Variants in ZNF362 observed in about 807,000 individuals in gnomAD.
ZNF362 encodes rotund homolog.
ZNF362 carries 11 observed loss-of-function variants against 42.9 expected under a neutral mutation model. The ratio of observed to expected loss-of-function variants is 0.26; its 90% CI spans 0.16 to 0.42. The LOEUF (loss-of-function observed/expected upper bound fraction) is 0.42. Ranked by LOEUF, ZNF362 falls within the 20% of genes least tolerant of loss-of-function variation. ZNF362 has a pLI of 1.00. For missense variants in ZNF362, 362 were observed against 576.2 expected, an observed-to-expected ratio of 0.63 and a Z score of 3.81; for synonymous variants, 255 against 257.3, an observed-to-expected ratio of 0.99 and a Z score of 0.09.
the ZNF362 span, among the ~76,000 whole-genome samples, chr1:33,173,209 G>T: frequency 6.6e-6 from 1 of 152,078 alleles, no homozygotes; most frequent in African/African-American, 2.4e-5. Context: ...GTGCACTTCT[G>T]AGCCACACAA....
intron 2 of ZNF362, among the ~76,000 whole-genome samples, chr1:33,273,284 C>T (rs1645919292): frequency 6.6e-6 from 1 of 152,224 alleles, no homozygotes; most frequent in South Asian, 2.1e-4. Context: ...TTACTTAGAA[C>T]CAGCCAGAAA....
chr1:33,238,843 G>T, the ZNF362 span, among the ~76,000 whole-genome samples: 7 of 152,132 alleles, frequency 4.6e-5, no homozygotes. Context: ...GTGGAGACAC[G>T]ATGAAAAGCC....
At chr1:33,214,518 T>G in the ZNF362 span, among the ~76,000 whole-genome samples, 3 of 152,162 alleles carry the variant, frequency 2.0e-5, no homozygotes, top group African/African-American at 7.2e-5. Context: ...GCTAAAAATC[T>G]TCTGCACAGC....
At chr1:33,189,651 A>ATGTATATATATACG in the ZNF362 span, among the ~76,000 whole-genome samples, 1 of 20,708 alleles carries the variant, frequency 4.8e-5, no homozygotes, top group African/African-American at 9.4e-5. Flanking sequence ...ATATATATAT[A>ATGTATATATATACG]TATATATATA....
At chr1:33,273,898 A>C (rs982966182) in intron 2 of ZNF362, among the ~76,000 whole-genome samples, 3 of 152,214 alleles carry the variant, frequency 2.0e-5, no homozygotes, top group African/African-American at 7.2e-5. Context: ...TCATTTATTC[A>C]TTCCATTATG....
At position 33,280,880 on chromosome 1, in the gene ZNF362, C is replaced by T. The variant is rs564048887; in HGVS notation, c.683+423C>T. Among the ~76,000 whole-genome samples, 1 of 152,282 alleles carries T rather than the reference C, an allele frequency of 6.6e-6. No homozygotes were observed. Among genetic ancestry groups the T allele is most frequent in the Non-Finnish European group, 1.5e-5 (1 of 68,014 alleles). On this transcript the variant is annotated intron_variant, in intron 5 of 8. Transcript: ENST00000539719. The surrounding 1 kb of genome is among the most constrained non-coding windows in gnomAD (Gnocchi z 5.6). The stretch of plus-strand genomic sequence containing the variant: ...GGTCAGGAGTTTGAGACCAGCCTGG[C>T]CAGCATGGTGAAACCTCGTCTCTAC...
chr1:33,153,653 G>A, the ZNF362 span, among the ~76,000 whole-genome samples: 1 of 152,156 alleles, frequency 6.6e-6, no homozygotes, highest in Non-Finnish European at 1.5e-5. Context: ...GCTCCCTTAT[G>A]AGGGAGTTGA....
chr1:33,226,135 G>A, the ZNF362 span, among the ~76,000 whole-genome samples: 1 of 152,168 alleles, frequency 6.6e-6, no homozygotes, highest in African/African-American at 2.4e-5. Flanking sequence ...GTGCTGTTGG[G>A]ATGGCAACAT....
At chr1:33,176,809 T>G in the ZNF362 span, among the ~76,000 whole-genome samples, 1 of 152,226 alleles carries the variant, frequency 6.6e-6, no homozygotes, top group Admixed American at 6.5e-5. Flanking sequence ...TGTTTCTTCA[T>G]CAGTAGAAGA....
At chr1:33,254,314 G>A (rs927799733), upstream of ZNF362, among the ~76,000 whole-genome samples, 5 of 152,172 alleles carry the variant, frequency 3.3e-5, no homozygotes, top group South Asian at 8.3e-4. Flanking sequence ...AGTAGAGATG[G>A]GGTTTCACCA....
chr1:33,154,483 CT>C, the ZNF362 span, among the ~76,000 whole-genome samples: 69 of 150,024 alleles, frequency 4.6e-4, no homozygotes, highest in African/African-American at 1.2e-3. Flanking sequence ...ATCTTTAGAT[CT>C]TTTTTTTTTC....
At chr1:33,155,162 C>T in the ZNF362 span, among the ~76,000 whole-genome samples, 1 of 150,652 alleles carries the variant, frequency 6.6e-6, no homozygotes, top group South Asian at 2.1e-4. Context: ...GCCTTCACCG[C>T]CTGGGTTCAA....
At chr1:33,140,590 T>G in the ZNF362 span, among the ~76,000 whole-genome samples, 1 of 152,192 alleles carries the variant, frequency 6.6e-6, no homozygotes, top group African/African-American at 2.4e-5. The surrounding 1 kb of genome is among the most constrained non-coding windows in gnomAD (Gnocchi z 4.0). Context: ...CAGGGCTTTC[T>G]CTAGTGCCAT....
chr1:33,209,116 A>AT, the ZNF362 span, among the ~76,000 whole-genome samples: 1 of 152,112 alleles, frequency 6.6e-6, no homozygotes, highest in Non-Finnish European at 1.5e-5. Flanking sequence ...TTTATTGAGA[A>AT]TTTTTAGCAT....
At chr1:33,189,722 T>TATATATATATACACAC in the ZNF362 span, among the ~76,000 whole-genome samples, 4 of 102,946 alleles carry the variant, frequency 3.9e-5, no homozygotes, top group African/African-American at 1.2e-4. Flanking sequence ...TATATATACA[T>TATATATATATACACAC]ACACACATAC....
intron 6 of ZNF362, among the ~76,000 whole-genome samples, chr1:33,284,498 C>T (rs1570403195): frequency 6.6e-6 from 1 of 152,218 alleles, no homozygotes; most frequent in South Asian, 2.1e-4. Flanking sequence ...GCTATTATTC[C>T]TAGTAGTTTT....
the ZNF362 span, among the ~76,000 whole-genome samples, chr1:33,141,261 G>A: frequency 6.6e-6 from 1 of 151,812 alleles, no homozygotes; most frequent in African/African-American, 2.4e-5. Context: ...CTTCTCCTCT[G>A]AGCACCTCCC....
chr1:33,239,568 C>T, the ZNF362 span, among the ~76,000 whole-genome samples: 1 of 152,036 alleles, frequency 6.6e-6, no homozygotes, highest in Non-Finnish European at 1.5e-5. Context: ...ACAATCATGG[C>T]GGAAGGCAAA....
At chr1:33,249,199 G>A in the ZNF362 span, among the ~76,000 whole-genome samples, 1 of 152,342 alleles carries the variant, frequency 6.6e-6, no homozygotes, top group Non-Finnish European at 1.5e-5. Flanking sequence ...CTAGGTGACA[G>A]GGCAGAGATG....
Sources: gnomAD v4.1 joint callset for allele counts (sites outside exome capture counted in the v4.1 genomes callset) on GRCh38, gnomAD v4.1.1 for gene constraint, Gnocchi (gnomAD v3.1) non-coding constraint, MANE v1.5 for transcripts, NCBI Gene and HGNC (gene_info 2026-07-23, HGNC 2026-07-21) for gene names.